HIVEP1: variants seen among roughly 807,000 people sequenced by gnomAD.
HIVEP1 encodes HIVEP zinc finger 1, also known as zinc finger protein 40.
HIVEP1 carries 36 observed loss-of-function variants against 180.0 expected under a neutral mutation model. The ratio of observed to expected loss-of-function variants is 0.20; its 90% CI spans 0.15 to 0.26. HIVEP1 has a LOEUF of 0.26. HIVEP1 is among the 10% of genes least tolerant of loss of function. The pLI is 1.00. For synonymous variants in HIVEP1, 1,239 were observed against 1,239.0 expected, an observed-to-expected ratio of 1.00 and a Z score of 0.00; for missense variants, 3,143 against 3,268.7, an observed-to-expected ratio of 0.96 and a Z score of 0.94.
At chr6:12,061,307 C>G (rs1204727627) in intron 2 of HIVEP1, among the ~76,000 whole-genome samples, 1 of 152,220 alleles carries the variant, frequency 6.6e-6, no homozygotes, top group African/African-American at 2.4e-5. Context: ...TAAAAAGAGA[C>G]TAACTTCAAT....
chr6:12,025,467 G>A (rs973450847), intron 2 of HIVEP1, among the ~76,000 whole-genome samples: 19 of 152,156 alleles, frequency 1.2e-4, no homozygotes, highest in Non-Finnish European at 2.6e-4. Context: ...TTGCTTACAT[G>A]ATTTGCTTAA....
At chr6:12,138,050 C>T (rs1758801655) in intron 7 of HIVEP1, among the ~76,000 whole-genome samples, 1 of 152,196 alleles carries the variant, frequency 6.6e-6, no homozygotes, top group Non-Finnish European at 1.5e-5. Context: ...CTCCTTGCCA[C>T]TCTCCTGTCC....
chr6:12,142,128 T>G (rs1035568018), intron 7 of HIVEP1, among the ~76,000 whole-genome samples: 1 of 152,188 alleles, frequency 6.6e-6, no homozygotes, highest in African/African-American at 2.4e-5. Flanking sequence ...GACCACATAG[T>G]TGGAAGTAAA....
intron 2 of HIVEP1, among the ~76,000 whole-genome samples, chr6:12,047,779 G>A (rs1328319071): frequency 1.3e-5 from 2 of 152,186 alleles, no homozygotes; most frequent in African/African-American, 4.8e-5. Flanking sequence ...GATGCACCCG[G>A]TAGGTAGCTT....
In HIVEP1 at chr6:12,090,735, C is replaced by CTTTTTTTTTTTTTTTTTT. The variant is rs35266647; in HGVS notation, c.94+1505_94+1522dup. 1.3e-4 allele frequency among the ~76,000 whole-genome samples: 11 copies of CTTTTTTTTTTTTTTTTTT among 82,440 alleles called. 1 individual carries two copies. Among genetic ancestry groups the CTTTTTTTTTTTTTTTTTT allele is most frequent in the African/African-American group, 5.2e-4 (11 of 21,220 alleles). The allele number at this position is 82,440 out of a possible 152,430, so 54.1% of individuals were successfully genotyped here. A position where few individuals can be genotyped will look rare whatever the true frequency, so the allele number is the denominator to read the frequency against. On this transcript the variant is annotated intron_variant, in intron 3 of 8. Coordinates refer to ENST00000379388, the MANE Select transcript of HIVEP1 (RefSeq NM_002114.4). ...AAAGTTTTCTTTCTCTATAGCCAGC[C>CTTTTTTTTTTTTTTTTTT]TTTTTTTTTTTTTTTTTTTTTTTTA...
At position 12,120,483 on chromosome 6, in the gene HIVEP1, G is replaced by T. The variant is rs776681273; in HGVS notation, c.688G>T (p.Ala230Ser). 2 of 1,614,122 alleles carry T rather than the reference G, an allele frequency of 1.2e-6. No homozygotes were observed. Among genetic ancestry groups the T allele is most frequent in the South Asian group, 2.2e-5 (2 of 91,080 alleles). Reference sequence around the variant, plus strand: ...AGAAAAACTGAGGCCAAATAAAACTGCACGTTCCCCTCCCAAATTAAAAAA... The same window carrying T: ...AGAAAAACTGAGGCCAAATAAAACTTCACGTTCCCCTCCCAAATTAAAAAA... ...KTEKLRPNKT[A>S]RSPPKLKNSS... is the part of the protein sequence containing the mutation. The change falls in exon 4 of 9, where the codon GCA becomes TCA. Residue 230 changes from alanine to serine, a missense_variant. Physicochemically the swap from Ala to Ser is moderately conservative, Grantham distance 99. Coordinates refer to ENST00000379388, the MANE Select transcript of HIVEP1 (RefSeq NM_002114.4).
At chr6:12,137,820 T>C (rs1204018684) in intron 7 of HIVEP1, among the ~76,000 whole-genome samples, 1 of 152,218 alleles carries the variant, frequency 6.6e-6, no homozygotes, top group African/African-American at 2.4e-5. Flanking sequence ...ATGATCTTGT[T>C]TTATTGTGCT....
intron 1 of HIVEP1, among the ~76,000 whole-genome samples, chr6:12,013,440 C>T (rs1043099953): frequency 6.6e-5 from 10 of 152,310 alleles, no homozygotes; most frequent in Middle Eastern, 3.4e-3. Flanking sequence ...ATACCCACTT[C>T]CCCCCACAAG....
chr6:12,051,359 A>C (rs1218755696), intron 2 of HIVEP1, among the ~76,000 whole-genome samples: 2 of 151,940 alleles, frequency 1.3e-5, no homozygotes, highest in Non-Finnish European at 2.9e-5. Context: ...TTTTTATTTA[A>C]AATTTTTGTT....
At chr6:12,157,351 G>A (rs1760120886) in intron 7 of HIVEP1, among the ~76,000 whole-genome samples, 1 of 151,936 alleles carries the variant, frequency 6.6e-6, no homozygotes, top group African/African-American at 2.4e-5. Flanking sequence ...TACCATATTG[G>A]CAACCGTTTT....
intron 6 of HIVEP1, among the ~76,000 whole-genome samples, chr6:12,132,033 G>C (rs1446966061): frequency 3.9e-5 from 6 of 152,038 alleles, no homozygotes; most frequent in Admixed American, 3.3e-4. Flanking sequence ...TCTGAAACAA[G>C]AATGATGGAA....
chr6:12,200,704 G>A, the HIVEP1 span, among the ~76,000 whole-genome samples: 26 of 152,216 alleles, frequency 1.7e-4, no homozygotes, highest in Non-Finnish European at 3.4e-4. Context: ...TTCCACCAAA[G>A]CATCTCTCAA....
In HIVEP1 at chr6:12,123,447, C is replaced by T; in HGVS notation, c.3652C>T (p.His1218Tyr). Residue 1218 changes from histidine to tyrosine, a missense_variant, in exon 4 of 9, where the codon CAT becomes TAT. Physicochemically the swap from His to Tyr is moderately conservative, Grantham distance 83. This residue lies in a region of HIVEP1 where 1,357 missense variants were observed against 1,260.5 expected (regional missense o/e 1.08). Coordinates refer to ENST00000379388, the MANE Select transcript of HIVEP1 (RefSeq NM_002114.4). ...ESSRKSPSER[H>Y]VLGQPSRLVR... ...CTCCAGAAAGAGTCCAAGTGAACGA[C>T]ATGTGTTAGGACAGCCCTCAAGACT... is the stretch of plus-strand genomic sequence containing the variant. 2 of 1,614,206 alleles carry T rather than the reference C, an allele frequency of 1.2e-6. No individual in the cohort carries two copies. The highest frequency in any genetic ancestry group is 2.2e-5 in the East Asian group (1 of 44,888).
chr6:12,062,226 A>G (rs1013511440), intron 2 of HIVEP1, among the ~76,000 whole-genome samples: 28 of 152,226 alleles, frequency 1.8e-4, no homozygotes, highest in African/African-American at 6.5e-4. Flanking sequence ...AAATTATTAC[A>G]TTAAGTTAAA....
chr6:12,168,762 CTTTA>C (rs575694626), downstream of HIVEP1, among the ~76,000 whole-genome samples: 441 of 152,072 alleles, frequency 2.9e-3, 3 homozygotes, highest in African/African-American at 9.4e-3. Flanking sequence ...ATATTCTAGA[CTTTA>C]TTTATTTTTA....
chr6:12,211,355 G>A, the HIVEP1 span, among the ~76,000 whole-genome samples: 1 of 106,818 alleles, frequency 9.4e-6, no homozygotes, highest in Non-Finnish European at 1.8e-5. Context: ...AGCCGAGATC[G>A]CGCCACTGCA....
chr6:12,163,046 A>G (rs1271026089), intron 8 of HIVEP1, among the ~76,000 whole-genome samples: 2 of 152,252 alleles, frequency 1.3e-5, no homozygotes, highest in African/African-American at 2.4e-5. Context: ...GCAAAAGACT[A>G]TACAAGATGT....
intron 7 of HIVEP1, among the ~76,000 whole-genome samples, chr6:12,158,295 A>G (rs1760179742): frequency 6.6e-6 from 1 of 152,078 alleles, no homozygotes; most frequent in Non-Finnish European, 1.5e-5. Context: ...TTATCTAGTT[A>G]GGAGTTTGCT....
chr6:12,065,279 C>A (rs1202983611), intron 2 of HIVEP1, among the ~76,000 whole-genome samples: 1 of 152,160 alleles, frequency 6.6e-6, no homozygotes, highest in Non-Finnish European at 1.5e-5. Flanking sequence ...AGATTCTGAT[C>A]ATGGCGTTTG....
Sources: gnomAD v4.1 joint callset for allele counts (sites outside exome capture counted in the v4.1 genomes callset) on GRCh38, gnomAD v4.1.1 for gene constraint, gnomAD v4.1.1 regional missense constraint, MANE v1.5 for transcripts, NCBI Gene and HGNC (gene_info 2026-07-23, HGNC 2026-07-21) for gene names.